DKK4: variants seen among roughly 807,000 people sequenced by gnomAD.
The protein encoded by DKK4 is dickkopf Wnt signaling pathway inhibitor 4, also known as dickkopf-related protein 4.
Under a neutral mutation model 14.5 loss-of-function variants are expected in DKK4, and 15 were observed. The ratio of observed to expected loss-of-function variants is 1.03; its 90% CI spans 0.69 to 1.59. The LOEUF is 1.59. Among genes scored for constraint, DKK4 ranks in the 40% most tolerant of loss-of-function variants. The probability of loss-of-function intolerance (pLI) is 0.00; values close to 1 mark genes in which losing one functional copy is unlikely to be tolerated. For missense variants in DKK4, 272 were observed against 280.3 expected (o/e 0.97, Z 0.21); for synonymous variants, 89 against 105.2 (o/e 0.85, Z 0.94).
intron 1 of DKK4, 79 bp downstream of exon 1, chr8:42,376,856 G>A: frequency 1.7e-6 from 2 of 1,174,888 alleles, no homozygotes; most frequent in Non-Finnish European, 2.5e-6. Flanking sequence ...ACATGAATCA[G>A]AATGACTTAC....
upstream of DKK4, among the ~76,000 whole-genome samples, chr8:42,381,834 C>T (rs891013446): frequency 2.6e-5 from 4 of 152,068 alleles, no homozygotes; most frequent in Admixed American, 2.6e-4. Context: ...TCCATCTCTA[C>T]TAAAATACAA....
chr8:42,385,591 G>A, the DKK4 span, among the ~76,000 whole-genome samples: 13 of 151,922 alleles, frequency 8.6e-5, no homozygotes, highest in African/African-American at 3.1e-4. Flanking sequence ...TGCCCCCACA[G>A]GTCTGGCTTC....
At chr8:42,381,128 A>C (rs1282371579), upstream of DKK4, among the ~76,000 whole-genome samples, 1 of 151,858 alleles carries the variant, frequency 6.6e-6, no homozygotes, top group Non-Finnish European at 1.5e-5. Flanking sequence ...GCAGTGACAC[A>C]GTGACAATGG....
At chr8:42,384,824 A>C in the DKK4 span, among the ~76,000 whole-genome samples, 2 of 152,212 alleles carry the variant, frequency 1.3e-5, no homozygotes, top group African/African-American at 4.8e-5. Flanking sequence ...TACACATGTC[A>C]CTAACTGACG....
chr8:42,388,606 C>T, the DKK4 span, among the ~76,000 whole-genome samples: 1 of 151,968 alleles, frequency 6.6e-6, no homozygotes, highest in South Asian at 2.1e-4. Flanking sequence ...GAGTCTCACT[C>T]TGTCGCCAGG....
the DKK4 span, among the ~76,000 whole-genome samples, chr8:42,382,546 T>A: frequency 6.6e-6 from 1 of 152,242 alleles, no homozygotes; most frequent in Non-Finnish European, 1.5e-5. Context: ...CCTCACAGAA[T>A]TCACTCCACA....
the DKK4 span, among the ~76,000 whole-genome samples, chr8:42,387,652 G>A: frequency 2.6e-5 from 4 of 152,086 alleles, no homozygotes; most frequent in Admixed American, 6.6e-5. Context: ...GAGCCACTGC[G>A]CTCAGCCAAT....
upstream of DKK4, among the ~76,000 whole-genome samples, chr8:42,378,003 A>G (rs1824595357): frequency 6.6e-6 from 1 of 152,356 alleles, no homozygotes; most frequent in Non-Finnish European, 1.5e-5. Context: ...CTTAAGCAGA[A>G]CAAGGATCCA....
intron 2 of DKK4, 61 bp downstream of exon 2, chr8:42,375,619 G>T (rs996036779): frequency 5.6e-6 from 9 of 1,598,386 alleles, no homozygotes; most frequent in Non-Finnish European, 7.7e-6. Context: ...GAATATTCTA[G>T]TCTATGGGGC....
At chr8:42,388,367 C>T in the DKK4 span, among the ~76,000 whole-genome samples, 12 of 151,864 alleles carry the variant, frequency 7.9e-5, no homozygotes, top group African/African-American at 2.7e-4. Flanking sequence ...GTAGCTGGTA[C>T]TACAGGCATG....
At chr8:42,385,945 A>T in the DKK4 span, among the ~76,000 whole-genome samples, 2 of 152,246 alleles carry the variant, frequency 1.3e-5, no homozygotes, top group African/African-American at 4.8e-5. Context: ...TACATGCAGC[A>T]TTTATTTATT....
At chr8:42,375,113 A>G (rs1824532404) in intron 2 of DKK4, among the ~76,000 whole-genome samples, 200 bp from the exon 3 acceptor site, 1 of 152,250 alleles carries the variant, frequency 6.6e-6, no homozygotes, top group Non-Finnish European at 1.5e-5. Flanking sequence ...ATTGCATTCC[A>G]TTAAAGGTAG....
chr8:42,386,949 T>A, the DKK4 span, among the ~76,000 whole-genome samples: 1 of 152,166 alleles, frequency 6.6e-6, no homozygotes, highest in African/African-American at 2.4e-5. Flanking sequence ...CTTCCAAGAT[T>A]TTTCTCTGAA....
chr8:42,379,374 TATATAGAGAGAGAGAGAG>T (rs1189741583), upstream of DKK4, among the ~76,000 whole-genome samples: 11 of 48,372 alleles, frequency 2.3e-4, no homozygotes, highest in African/African-American at 9.7e-4. Flanking sequence ...TATATATATA[TATATAGAGAGAGAGAGAG>T]AGAGAGAGAG....
At chr8:42,374,484 C>T (rs1824519443) in intron 3 of DKK4, 125 bp from the exon 4 acceptor site, 1 of 1,281,540 alleles carries the variant, frequency 7.8e-7, no homozygotes, top group South Asian at 1.3e-5. Context: ...ACACAGCACG[C>T]AGGTCTCACA....
Position 42,377,129 on chromosome 8 carries a change from C to T in DKK4, c.-84G>A, listed in dbSNP as rs1334701016. On this transcript the variant is annotated 5_prime_UTR_variant, in exon 1 of 4. In the 5' UTR this introduces an upstream ATG that the reference lacks. Coordinates refer to ENST00000220812, the MANE Select transcript of DKK4 (RefSeq NM_014420.3). ...CTCTCCACCCAGAGCAGAGCTTCCA[C>T]TAAGCTGGCAGCTCAGCACGTCGTC... 2 of 1,108,494 alleles carry T rather than the reference C, an allele frequency of 1.8e-6. No homozygotes were observed. Among genetic ancestry groups the T allele is most frequent in the Non-Finnish European group, 2.6e-6 (2 of 761,024 alleles). 68.7% of individuals were successfully genotyped at this position (1,108,494 alleles called of 1,614,324 possible).
rs1824531181 is a variant in DKK4, at chr8:42,375,022, T to C, written c.263-109A>G. The C allele has an allele frequency of 2.8e-6, 3 of 1,075,298 alleles. No individual in the cohort carries two copies. In the East Asian group the frequency reaches 7.2e-5, roughly 26 times the overall value. The allele number at this position is 1,075,298 out of a possible 1,614,324, so 66.6% of individuals were successfully genotyped here. A position where few individuals can be genotyped will look rare whatever the true frequency, so the allele number is the denominator to read the frequency against. ...TTTGGCAGCACCTCTGCCTTCAGTTTATATATAACTTTCTAGATTTCTGGA... is the reference window on the plus strand; with the variant it reads ...TTTGGCAGCACCTCTGCCTTCAGTTCATATATAACTTTCTAGATTTCTGGA... On this transcript the variant is annotated intron_variant, in intron 2 of 3. Coordinates refer to ENST00000220812, the MANE Select transcript of DKK4 (RefSeq NM_014420.3).
chr8:42,381,803 A>G (rs921124936), upstream of DKK4, among the ~76,000 whole-genome samples: 1 of 152,070 alleles, frequency 6.6e-6, no homozygotes, highest in Non-Finnish European at 1.5e-5. Context: ...TTCAAGACCA[A>G]CCTGGCCAAC....
intron 3 of DKK4, among the ~76,000 whole-genome samples, 172 bp from the exon 4 acceptor site, chr8:42,374,531 C>T (rs1221387764): frequency 1.3e-5 from 2 of 152,134 alleles, no homozygotes; most frequent in African/African-American, 4.8e-5. Context: ...AATGCCATGG[C>T]GACTCCACCC....
Sources: gnomAD v4.1 joint callset for allele counts (sites outside exome capture counted in the v4.1 genomes callset) on GRCh38, gnomAD v4.1.1 for gene constraint, MANE v1.5 for transcripts, NCBI Gene and HGNC (gene_info 2026-07-23, HGNC 2026-07-21) for gene names.